Variants in WDFY4 observed in about 807,000 individuals in gnomAD.
WDFY4 encodes WD repeat- and FYVE domain-containing protein 4.
A neutral mutation model predicts 351.9 loss-of-function variants in WDFY4; 169 were observed. That is an observed-to-expected ratio of 0.48 (90% CI 0.42 to 0.55). WDFY4 has a LOEUF of 0.55. Ranked by LOEUF, WDFY4 falls within the 20% of genes least tolerant of loss-of-function variation. WDFY4 has a pLI of 0.00. For missense variants in WDFY4, 3,803 were observed against 3,935.6 expected, an observed-to-expected ratio of 0.97 and a Z score of 0.90; for synonymous variants, 1,622 against 1,574.6, an observed-to-expected ratio of 1.03 and a Z score of -0.71.
intron 55 of WDFY4, 61 bp downstream of exon 55, chr10:48,966,734 G>C: frequency 6.6e-7 from 1 of 1,517,760 alleles, no homozygotes; most frequent in Non-Finnish European, 8.9e-7. Flanking sequence ...TCAGTGGCTG[G>C]GTTCCTCTGG....
intron 13 of WDFY4, among the ~76,000 whole-genome samples, chr10:48,765,269 A>T (rs754157278): frequency 1.3e-5 from 2 of 152,206 alleles, no homozygotes; most frequent in African/African-American, 4.8e-5. Flanking sequence ...AACATTTACC[A>T]TAGAGGGCAG....
In WDFY4 at chr10:48,757,454, T is replaced by C. The variant is rs911815042; in HGVS notation, c.2460-2893T>C. Among the ~76,000 whole-genome samples the C allele has an allele frequency of 5.3e-5, 8 of 152,108 alleles. No individual in the cohort carries two copies. In the East Asian group the frequency reaches 1.2e-3, roughly 22 times the overall value. ...ATTACACCAGCTTTCTTTTGATTAC[T>C]GTTAGGATGGTATAAATTTTTCTAT... On this transcript the variant is annotated intron_variant, in intron 12 of 61. Coordinates refer to ENST00000325239, the MANE Select transcript of WDFY4 (RefSeq NM_001394531.1).
intron 4 of WDFY4, among the ~76,000 whole-genome samples, chr10:48,723,067 C>A (rs946002151): frequency 3.3e-5 from 5 of 152,100 alleles, no homozygotes; most frequent in African/African-American, 7.2e-5. Context: ...GGCCCTGGAC[C>A]ACAGTCACAC....
chr10:48,742,328 C>A (rs150239116), intron 11 of WDFY4, among the ~76,000 whole-genome samples: 1 of 152,362 alleles, frequency 6.6e-6, no homozygotes, highest in East Asian at 1.9e-4. Context: ...TTCTGACACA[C>A]TCTTTTCACA....
intron 13 of WDFY4, among the ~76,000 whole-genome samples, chr10:48,767,831 C>G (rs946111980): frequency 2.0e-5 from 3 of 152,198 alleles, no homozygotes; most frequent in African/African-American, 7.2e-5. Flanking sequence ...TGAATTTCAC[C>G]TTTTGGGGGT....
chr10:48,866,262 C>T (rs1401888479), intron 39 of WDFY4, among the ~76,000 whole-genome samples: 1 of 151,938 alleles, frequency 6.6e-6, no homozygotes, highest in Non-Finnish European at 1.5e-5. Flanking sequence ...TTAGTTATAG[C>T]CTACGTGTTT....
At chr10:48,826,972 G>C (rs2068029800) in intron 36 of WDFY4, 63 bp downstream of exon 36, 1 of 1,380,522 alleles carries the variant, frequency 7.2e-7, no homozygotes, top group Admixed American at 2.0e-5. Flanking sequence ...GAGATTTAGA[G>C]GAAAGCTTGA....
At chr10:48,969,992 C>A in intron 56 of WDFY4, 139 bp from the exon 57 acceptor site, 1 of 1,082,332 alleles carries the variant, frequency 9.2e-7, no homozygotes, top group Non-Finnish European at 1.3e-6. Context: ...GATTTTGTCA[C>A]CAAGAACTGG....
Position 48,787,812 on chromosome 10 carries a change from CTTCTTCTTCTTCTTCTTCTTCT to C in WDFY4, c.3809-716_3809-695del, listed in dbSNP as rs1565197600. 5.3e-4 allele frequency among the ~76,000 whole-genome samples: 60 copies of C among 112,618 alleles called. 1 individual carries two copies. The highest frequency in any genetic ancestry group is 6.5e-4 in the Non-Finnish European group (35 of 53,670). 73.9% of individuals were successfully genotyped at this position (112,618 alleles called of 152,430 possible). On this transcript the variant is annotated intron_variant, in intron 20 of 61. Transcript: ENST00000325239. ...TCCTCCTCCTCCTCCTCCTCCTCTT[CTTCTTCTTCTTCTTCTTCTTCT>C]TCTTCTTCTTCTTCTTCTTCTTCTT...
chr10:48,860,489 A>G (rs1031965314), intron 39 of WDFY4, among the ~76,000 whole-genome samples: 2 of 152,248 alleles, frequency 1.3e-5, no homozygotes, highest in African/African-American at 2.4e-5. Flanking sequence ...TTATGAGGAC[A>G]CTAATACCAT....
At chr10:48,921,406 G>A (rs183570642) in intron 47 of WDFY4, among the ~76,000 whole-genome samples, 151 of 152,224 alleles carry the variant, frequency 9.9e-4, no homozygotes, top group African/African-American at 3.4e-3. Flanking sequence ...GTTGAAATTG[G>A]TTATTTATAT....
intron 2 of WDFY4, among the ~76,000 whole-genome samples, chr10:48,714,430 C>G (rs1181238335): frequency 6.6e-6 from 1 of 152,238 alleles, no homozygotes; most frequent in Non-Finnish European, 1.5e-5. Context: ...GGAAGCAACA[C>G]AGAGCCAATG....
chr10:48,804,227 T>C (rs2067178343), intron 25 of WDFY4, among the ~76,000 whole-genome samples: 1 of 152,210 alleles, frequency 6.6e-6, no homozygotes, highest in African/African-American at 2.4e-5. Flanking sequence ...TAGAGCTCAT[T>C]GGTGCCTTCA....
chr10:48,740,305 G>A (rs1565148955), intron 11 of WDFY4, among the ~76,000 whole-genome samples: 1 of 152,194 alleles, frequency 6.6e-6, no homozygotes, highest in African/African-American at 2.4e-5. Context: ...CAGTTAGAAA[G>A]GAGGGACCAA....
At chr10:48,856,559 G>T (rs115664050) in intron 39 of WDFY4, among the ~76,000 whole-genome samples, 1 of 152,224 alleles carries the variant, frequency 6.6e-6, no homozygotes, top group African/African-American at 2.4e-5. Flanking sequence ...AGGTATACAC[G>T]TGCCATGGTG....
At chr10:48,818,973 G>A (rs1309862896) in intron 32 of WDFY4, among the ~76,000 whole-genome samples, 1 of 152,198 alleles carries the variant, frequency 6.6e-6, no homozygotes, top group Non-Finnish European at 1.5e-5. Context: ...CAGGGGTCCA[G>A]CGGCCTAACA....
chr10:48,777,071 G>A, intron 16 of WDFY4, 87 bp downstream of exon 16: 1 of 1,405,624 alleles, frequency 7.1e-7, no homozygotes, highest in Non-Finnish European at 9.6e-7. Context: ...CAAACTTGTA[G>A]TTCCCATTGA....
intron 1 of WDFY4, among the ~76,000 whole-genome samples, chr10:48,685,895 G>T (rs1336165071): frequency 1.4e-5 from 2 of 139,734 alleles, no homozygotes; most frequent in South Asian, 2.6e-4. Context: ...GCAGGTGGGA[G>T]AATAGCAGGT....
At chr10:48,717,722 T>C (rs2063953604) in intron 2 of WDFY4, among the ~76,000 whole-genome samples, 1 of 152,258 alleles carries the variant, frequency 6.6e-6, no homozygotes, top group Non-Finnish European at 1.5e-5. Flanking sequence ...TCATCCATGT[T>C]GATGCATCTA....
Sources: allele counts gnomAD v4.1 joint callset (sites outside exome capture counted in the v4.1 genomes callset), GRCh38; gene constraint gnomAD v4.1.1; transcripts MANE v1.5; gene names NCBI Gene and HGNC (gene_info 2026-07-23, HGNC 2026-07-21).